The following SOX6 variants were observed in gnomAD, a reference collection of about 807,000 sequenced individuals.
SOX6 encodes the protein SRY-box transcription factor 6, also known as transcription factor SOX-6.
A neutral mutation model predicts 97.8 loss-of-function variants in SOX6; 11 were observed. That is an observed-to-expected ratio of 0.11 (90% confidence interval 0.07 to 0.19). The LOEUF is 0.19. Among genes scored for constraint, SOX6 ranks in the 10% least tolerant of loss-of-function variants. SOX6 has a pLI of 1.00. For missense variants in SOX6, 810 were observed against 1,039.5 expected, an observed-to-expected ratio of 0.78 and a Z score of 3.04; for synonymous variants, 360 against 371.4, an observed-to-expected ratio of 0.97 and a Z score of 0.35.
rs542639026 is a variant in SOX6, at chr11:16,451,378, T to G, written c.-5+24937A>C. On this transcript the variant is annotated intron_variant, in intron 1 of 15. Coordinates refer to the SOX6 transcript ENST00000396356. ...TGTAACTAACTGCACCCTGACATTC[T>G]CATTCGTCTAATGAGCCTGAAGTCC... Among the ~76,000 whole-genome samples, 7 of 152,282 alleles carry G rather than the reference T, an allele frequency of 4.6e-5. No homozygotes were observed. In the East Asian group the frequency reaches 9.6e-4, roughly 21 times the overall value.
intron 1 of SOX6, among the ~76,000 whole-genome samples, chr11:16,363,543 T>C (rs1227230558): frequency 1.3e-5 from 2 of 152,150 alleles, no homozygotes; most frequent in Non-Finnish European, 2.9e-5. Context: ...ACAGATTTAG[T>C]TGGTTAAATA....
chr11:15,978,291 C>T (rs1035838343), intron 15 of SOX6, among the ~76,000 whole-genome samples: 1 of 151,888 alleles, frequency 6.6e-6, no homozygotes, highest in African/African-American at 2.4e-5. Context: ...TTTCTTAAAC[C>T]CACTTCAATC....
chr11:16,008,680 C>T (rs535302314), intron 13 of SOX6, among the ~76,000 whole-genome samples: 27 of 152,136 alleles, frequency 1.8e-4, no homozygotes, highest in East Asian at 9.7e-4. Context: ...AAAGTTATTT[C>T]GGAGCTTTTA....
chr11:16,341,330 C>A, intron 1 of SOX6, 78 bp from the exon 2 acceptor site: 1 of 1,557,576 alleles, frequency 6.4e-7, no homozygotes, highest in Non-Finnish European at 8.7e-7. Flanking sequence ...TTGGCTAGTT[C>A]AGGAAAGAAG....
chr11:16,118,361 A>T (rs1849404664), intron 6 of SOX6, among the ~76,000 whole-genome samples: 1 of 152,262 alleles, frequency 6.6e-6, no homozygotes, highest in Non-Finnish European at 1.5e-5. Flanking sequence ...TTTAATTGCT[A>T]GGGTATTCCT....
At chr11:15,993,521 T>C (rs922961022) in intron 13 of SOX6, among the ~76,000 whole-genome samples, 2 of 152,252 alleles carry the variant, frequency 1.3e-5, no homozygotes, top group East Asian at 3.9e-4. Flanking sequence ...TAAGAGTCTT[T>C]AATTACCAGC....
At chr11:16,423,165 T>C (rs1859053641) in intron 1 of SOX6, among the ~76,000 whole-genome samples, 1 of 152,192 alleles carries the variant, frequency 6.6e-6, no homozygotes, top group Admixed American at 6.5e-5. Flanking sequence ...CATCACTCTA[T>C]TGGTGCCAGC....
chr11:16,721,173 A>C (rs1353810427), intron 2 of SOX6, among the ~76,000 whole-genome samples: 1 of 152,216 alleles, frequency 6.6e-6, no homozygotes, highest in Non-Finnish European at 1.5e-5. Flanking sequence ...CTTAGGTTCA[A>C]GGCCCAACTT....
intron 3 of SOX6, among the ~76,000 whole-genome samples, chr11:16,294,402 GTTATT>G (rs1374169866): frequency 4.6e-5 from 7 of 151,992 alleles, no homozygotes; most frequent in African/African-American, 1.7e-4. Flanking sequence ...ATTGGACATC[GTTATT>G]TTATTTCTAA....
At chr11:16,102,892 T>C (rs879545935) in intron 7 of SOX6, among the ~76,000 whole-genome samples, 8 of 152,128 alleles carry the variant, frequency 5.3e-5, no homozygotes, top group Admixed American at 5.2e-4. Flanking sequence ...GATCAAAGAC[T>C]TAAATCTAAG....
In SOX6 at chr11:16,489,468, A is replaced by G. The variant is rs1018553693; in HGVS notation, n.610-13080T>C. Among the ~76,000 whole-genome samples, 4 of 152,272 alleles carry G rather than the reference A, an allele frequency of 2.6e-5. No homozygotes were observed. The East Asian group carries it at 7.7e-4, about 29-fold the overall frequency. On this transcript the variant is annotated intron_variant and non_coding_transcript_variant, in intron 4 of 5. Coordinates refer to the SOX6 transcript ENST00000524520. Reference sequence around the variant, plus strand: ...TTTATTTGGAATCCTAGACAACAGCATGAGGAAACATTTATGGTATGTATC... The same window carrying G: ...TTTATTTGGAATCCTAGACAACAGCGTGAGGAAACATTTATGGTATGTATC...
chr11:16,466,115 T>A (rs944513127), intron 1 of SOX6, among the ~76,000 whole-genome samples: 5 of 152,242 alleles, frequency 3.3e-5, no homozygotes, highest in African/African-American at 1.2e-4. Context: ...TTGCCTCATG[T>A]CTTTGAATAC....
chr11:16,143,189 C>A (rs922372269), intron 6 of SOX6, among the ~76,000 whole-genome samples: 1 of 152,076 alleles, frequency 6.6e-6, no homozygotes, highest in Non-Finnish European at 1.5e-5. Context: ...AGAGTGGGGG[C>A]CAATATTCAA....
At chr11:16,327,536 A>G (rs956287969) in intron 2 of SOX6, among the ~76,000 whole-genome samples, 11 of 152,128 alleles carry the variant, frequency 7.2e-5, no homozygotes, top group African/African-American at 2.7e-4. Flanking sequence ...GAACTTTAGC[A>G]TTTATAATTT....
intron 13 of SOX6, among the ~76,000 whole-genome samples, chr11:15,993,394 T>G (rs766675613): frequency 1.2e-4 from 18 of 152,196 alleles, no homozygotes; most frequent in Non-Finnish European, 2.4e-4. Context: ...TGAGGCAGCT[T>G]CTTCTCCTTT....
At chr11:16,253,263 C>G (rs1163034765) in intron 3 of SOX6, among the ~76,000 whole-genome samples, 2 of 151,898 alleles carry the variant, frequency 1.3e-5, no homozygotes, top group Non-Finnish European at 2.9e-5. Context: ...GTAGGAGAAT[C>G]CATTGAACCC....
intron 2 of SOX6, among the ~76,000 whole-genome samples, chr11:16,337,811 T>C (rs1464420484): frequency 2.6e-5 from 4 of 152,308 alleles, no homozygotes; most frequent in African/African-American, 9.6e-5. Context: ...AAAATTTCTA[T>C]TCTCCTTCTT....
chr11:16,244,123 A>G (rs539655121), intron 3 of SOX6, among the ~76,000 whole-genome samples: 1 of 152,022 alleles, frequency 6.6e-6, no homozygotes, highest in South Asian at 2.1e-4. Context: ...GCACCATTTT[A>G]TACTTCTACC....
intron 4 of SOX6, among the ~76,000 whole-genome samples, chr11:16,598,649 TAAAA>T (rs71455890): frequency 6.8e-6 from 1 of 147,028 alleles, no homozygotes; most frequent in African/African-American, 2.5e-5. Flanking sequence ...GTATGCTCTT[TAAAA>T]AAAAAAAAAT....
Sources: allele counts gnomAD v4.1 joint callset (sites outside exome capture counted in the v4.1 genomes callset), GRCh38; gene constraint gnomAD v4.1.1; transcripts MANE v1.5; gene names NCBI Gene and HGNC (gene_info 2026-07-23, HGNC 2026-07-21).